The following SH3GL3 variants were observed in gnomAD, a reference collection of about 807,000 sequenced individuals.
SH3GL3 encodes the protein SH3 domain containing GRB2 like 3, endophilin A3, also known as endophilin-A3.
In SH3GL3, 33 loss-of-function variants were observed where a neutral mutation model predicts 47.7. The observed-to-expected ratio is 0.69, with a 90% CI of 0.52 to 0.92. The LOEUF (loss-of-function observed/expected upper bound fraction) is 0.92, where lower values mean the gene tolerates loss of function less well. SH3GL3 is among the 40% of genes least tolerant of loss of function. The probability of loss-of-function intolerance (pLI) is 0.00; values close to 1 mark genes in which losing one functional copy is unlikely to be tolerated. For synonymous variants in SH3GL3, 155 were observed against 148.8 expected (o/e 1.04, Z -0.30); for missense variants, 363 against 417.8 (o/e 0.87, Z 1.14).
intron 8 of SH3GL3, among the ~76,000 whole-genome samples, chr15:83,591,755 G>A (rs1405242411): frequency 6.6e-6 from 1 of 151,796 alleles, no homozygotes; most frequent in East Asian, 1.9e-4. Context: ...GCGCCATCTC[G>A]GCTCACTGCA....
chr15:83,480,919 AGCTGTACATTTATTGGTGCCT>A (rs2041320279), intron 1 of SH3GL3, among the ~76,000 whole-genome samples: 1 of 152,076 alleles, frequency 6.6e-6, no homozygotes, highest in Non-Finnish European at 1.5e-5. Context: ...ACCGAGGGGT[AGCTGTACATTTATTGGTGCCT>A]GCCTTCTTGC....
intron 8 of SH3GL3, among the ~76,000 whole-genome samples, chr15:83,607,991 G>A (rs1456449716): frequency 6.6e-6 from 1 of 152,022 alleles, no homozygotes; most frequent in African/African-American, 2.4e-5. Flanking sequence ...AGGTTTTGAG[G>A]TATCTGCAAA....
the SH3GL3 span, among the ~76,000 whole-genome samples, chr15:83,625,501 C>T: frequency 6.6e-6 from 1 of 152,196 alleles, no homozygotes; most frequent in Non-Finnish European, 1.5e-5. Context: ...TGCAGCCAAA[C>T]CAGAGAAGGC....
At chr15:83,509,570 T>C (rs2042660619) in intron 1 of SH3GL3, among the ~76,000 whole-genome samples, 1 of 152,234 alleles carries the variant, frequency 6.6e-6, no homozygotes, top group African/African-American at 2.4e-5. Context: ...ATTGGTGTGA[T>C]AAATGCTGGT....
At chr15:83,507,399 A>G (rs2042557353) in intron 1 of SH3GL3, among the ~76,000 whole-genome samples, 1 of 150,170 alleles carries the variant, frequency 6.7e-6, no homozygotes. Context: ...TCTTCCAGGT[A>G]TTCATTCCTT....
rs117606513 is a variant in SH3GL3 at position 83,568,395 on chromosome 15, A to C, written c.188-134A>C. ...TGAGAAAATTAAATAGTTCACACAC[A>C]ATTGTTTCAGGCCTCAGGTCTCTGG... On this transcript the variant is annotated intron_variant, in intron 3 of 8. Coordinates refer to ENST00000427482, the MANE Select transcript of SH3GL3 (RefSeq NM_003027.5). 595 of 628,618 alleles carry C rather than the reference A, an allele frequency of 9.5e-4. 8 individuals are homozygous for C. The East Asian group carries it at 0.016, about 17-fold the overall frequency. The allele number at this position is 628,618 out of a possible 1,614,324, so 38.9% of individuals were successfully genotyped here.
chr15:83,497,262 C>T (rs1470883013), intron 1 of SH3GL3, among the ~76,000 whole-genome samples: 16 of 152,098 alleles, frequency 1.1e-4, no homozygotes, highest in Non-Finnish European at 8.8e-5. Flanking sequence ...ACCTTCTTGC[C>T]CCTTGTCTTC....
chr15:83,558,434 C>A (rs1168480321), intron 1 of SH3GL3, among the ~76,000 whole-genome samples: 1 of 151,932 alleles, frequency 6.6e-6, no homozygotes, highest in Non-Finnish European at 1.5e-5. Context: ...GCACATTGGC[C>A]ATACACAAAT....
chr15:83,544,069 T>A (rs1388721633), intron 1 of SH3GL3, among the ~76,000 whole-genome samples: 1 of 152,074 alleles, frequency 6.6e-6, no homozygotes, highest in African/African-American at 2.4e-5. Context: ...TGGTTTGCTC[T>A]TGCTTTTCTA....
chr15:83,552,008 C>A (rs2044693712), intron 1 of SH3GL3, among the ~76,000 whole-genome samples: 1 of 152,190 alleles, frequency 6.6e-6, no homozygotes, highest in South Asian at 2.1e-4. Context: ...CTGGAACTTT[C>A]TTGGCACCTT....
At chr15:83,561,995 T>C (rs1047084996) in intron 2 of SH3GL3, among the ~76,000 whole-genome samples, 3 of 151,220 alleles carry the variant, frequency 2.0e-5, no homozygotes, top group Non-Finnish European at 4.4e-5. Context: ...GATATTTGCA[T>C]AGCATTTGGT....
At chr15:83,630,368 A>G in the SH3GL3 span, among the ~76,000 whole-genome samples, 6 of 152,336 alleles carry the variant, frequency 3.9e-5, no homozygotes, top group Non-Finnish European at 5.9e-5. Context: ...TTGCTCCTCT[A>G]AAGAAAGATA....
At chr15:83,511,960 G>A (rs995350201) in intron 1 of SH3GL3, among the ~76,000 whole-genome samples, 1 of 152,168 alleles carries the variant, frequency 6.6e-6, no homozygotes, top group African/African-American at 2.4e-5. Flanking sequence ...AAAGGAGCCA[G>A]GCCTTGGATG....
At chr15:83,600,033 G>A (rs1028592237) in intron 8 of SH3GL3, among the ~76,000 whole-genome samples, 1 of 40,266 alleles carries the variant, frequency 2.5e-5, no homozygotes, top group East Asian at 3.6e-4. Context: ...CTTTTAGATG[G>A]GATTGTTTGT....
chr15:83,545,780 G>A (rs903373677), intron 1 of SH3GL3, among the ~76,000 whole-genome samples: 2 of 152,226 alleles, frequency 1.3e-5, no homozygotes, highest in African/African-American at 2.4e-5. Flanking sequence ...TTGCAGTCTT[G>A]TATAGGTGCT....
rs183560973 is a variant in SH3GL3, at chr15:83,517,019, T to C, written c.46-42234T>C. On this transcript the variant is annotated intron_variant, in intron 1 of 8. Transcript: ENST00000427482. ...ATACTTTTTTGAGCTATTTTCCTGT[T>C]GGTAGACTTCTGGGGTCTTTTCAGT... Among the ~76,000 whole-genome samples, 217 of 152,174 alleles carry C rather than the reference T, an allele frequency of 1.4e-3. 6 individuals carry two copies. The highest frequency in any genetic ancestry group is 0.014 in the Admixed American group (217 of 15,268).
chr15:83,626,804 C>G, the SH3GL3 span, among the ~76,000 whole-genome samples: 2 of 152,150 alleles, frequency 1.3e-5, no homozygotes, highest in African/African-American at 4.8e-5. Context: ...CATTAAGGCC[C>G]ACTTTGGAAT....
intron 1 of SH3GL3, among the ~76,000 whole-genome samples, chr15:83,518,119 A>G (rs557847487): frequency 1.3e-5 from 2 of 152,332 alleles, no homozygotes; most frequent in African/African-American, 2.4e-5. Context: ...CATGGTGTGC[A>G]AGTACCACAT....
At chr15:83,580,524 C>T (rs1282641794) in intron 6 of SH3GL3, among the ~76,000 whole-genome samples, 1 of 152,196 alleles carries the variant, frequency 6.6e-6, no homozygotes, top group Non-Finnish European at 1.5e-5. Context: ...TCAGTCACAG[C>T]CATTCACCCT....
Sources: allele counts gnomAD v4.1 joint callset (sites outside exome capture counted in the v4.1 genomes callset), GRCh38; gene constraint gnomAD v4.1.1; transcripts MANE v1.5; gene names NCBI Gene and HGNC (gene_info 2026-07-23, HGNC 2026-07-21).